The following BCAT1 variants were observed in gnomAD, a reference collection of about 807,000 sequenced individuals.
The protein encoded by BCAT1 is branched chain amino acid transaminase 1, also known as branched-chain-amino-acid aminotransferase, cytosolic.
In BCAT1, 48 loss-of-function variants were observed where a neutral mutation model predicts 52.4. The observed-to-expected ratio is 0.92, with a 90% confidence interval of 0.73 to 1.16. The LOEUF (loss-of-function observed/expected upper bound fraction) is 1.16. Among genes scored for constraint, BCAT1 ranks in the 50% most tolerant of loss-of-function variants. BCAT1 has a pLI of 0.00. For missense variants in BCAT1, 451 were observed against 457.1 expected, an observed-to-expected ratio of 0.99 and a Z score of 0.12; for synonymous variants, 167 against 161.3, an observed-to-expected ratio of 1.04 and a Z score of -0.27.
chr12:24,852,506 G>A (rs981174166), intron 5 of BCAT1, among the ~76,000 whole-genome samples: 2 of 152,066 alleles, frequency 1.3e-5, no homozygotes, highest in African/African-American at 4.8e-5. Flanking sequence ...TATACTAAAA[G>A]AAGTAACAAT....
intron 5 of BCAT1, among the ~76,000 whole-genome samples, chr12:24,873,446 TA>T: frequency 6.6e-6 from 1 of 152,340 alleles, no homozygotes; most frequent in East Asian, 1.9e-4. Context: ...ACAAGAAGTT[TA>T]TATAACATAA....
At chr12:24,830,258 G>T in intron 9 of BCAT1, 1 of 173,110 alleles carries the variant, frequency 5.8e-6, no homozygotes, top group Non-Finnish European at 1.2e-5. Flanking sequence ...AATCTGTAAG[G>T]ATGAATGATT....
chr12:24,857,887 G>A (rs1941737310), intron 5 of BCAT1, among the ~76,000 whole-genome samples: 1 of 152,198 alleles, frequency 6.6e-6, no homozygotes, highest in African/African-American at 2.4e-5. Flanking sequence ...GCTAATAGCA[G>A]TTATAGGGGA....
chr12:24,864,544 G>C (rs1328350957), intron 5 of BCAT1, among the ~76,000 whole-genome samples: 1 of 152,128 alleles, frequency 6.6e-6, no homozygotes, highest in African/African-American at 2.4e-5. Flanking sequence ...GTCACCCTTA[G>C]AAGGAGAACT....
intron 5 of BCAT1, among the ~76,000 whole-genome samples, chr12:24,866,104 C>T (rs991557900): frequency 3.9e-5 from 6 of 152,174 alleles, no homozygotes; most frequent in African/African-American, 7.2e-5. Flanking sequence ...ACCCGGGCTG[C>T]GCATGGTGCT....
At chr12:24,920,935 G>A (rs1943491492) in intron 1 of BCAT1, among the ~76,000 whole-genome samples, 1 of 152,192 alleles carries the variant, frequency 6.6e-6, no homozygotes, top group Non-Finnish European at 1.5e-5. Context: ...AGCCAATGAA[G>A]AGATACAAGG....
At chr12:24,894,518 G>T in intron 2 of BCAT1, 43 bp from the exon 3 acceptor site, 1 of 1,475,710 alleles carries the variant, frequency 6.8e-7, no homozygotes, top group Non-Finnish European at 9.2e-7. Context: ...AAGCTACTGA[G>T]CATTCGCTGG....
At chr12:24,910,765 CATT>C (rs1345621378) in intron 1 of BCAT1, among the ~76,000 whole-genome samples, 7 of 152,148 alleles carry the variant, frequency 4.6e-5, no homozygotes, top group Admixed American at 1.3e-4. Flanking sequence ...CCGATGAAAT[CATT>C]GTTGTTTTTT....
At chr12:24,908,215 C>G (rs1184634058) in intron 1 of BCAT1, among the ~76,000 whole-genome samples, 1 of 152,148 alleles carries the variant, frequency 6.6e-6, no homozygotes, top group Admixed American at 6.5e-5. Flanking sequence ...CTGCCTTCCT[C>G]TACTCGTTGT....
Position 24,815,398 on chromosome 12 carries a change from T to G in BCAT1, c.*2610A>C, listed in dbSNP as rs912395349. ...ATCAGCAACAATATTAATTTGTTGATCTTTTTGAGCAGATTAGCTTCACAT... is the reference window on the plus strand; with the variant it reads ...ATCAGCAACAATATTAATTTGTTGAGCTTTTTGAGCAGATTAGCTTCACAT... On this transcript the variant is annotated 3_prime_UTR_variant, in exon 11 of 11. Coordinates refer to ENST00000261192, the MANE Select transcript of BCAT1 (RefSeq NM_005504.7). 1 of 152,674 alleles carries G rather than the reference T, an allele frequency of 6.5e-6. No individual in the cohort carries two copies. 9.5% of individuals were successfully genotyped at this position (152,674 alleles called of 1,614,324 possible).
At chr12:24,881,898 A>G (rs2139602036) in intron 3 of BCAT1, among the ~76,000 whole-genome samples, 1 of 152,260 alleles carries the variant, frequency 6.6e-6, no homozygotes, top group Admixed American at 6.5e-5. Flanking sequence ...AATCACAGAA[A>G]CCAGGCAGCT....
rs1392393187 is a variant in BCAT1, at chr12:24,878,574, T to C, written c.466A>G (p.Thr156Ala). The change falls in exon 5 of 11, where the codon ACA (threonine) becomes GCA (alanine). Residue 156 changes from threonine (T) to alanine (A), a missense_variant. Thr to Ala is a moderately conservative substitution (Grantham distance 58, BLOSUM62 0). Coordinates refer to ENST00000261192, the MANE Select transcript of BCAT1 (RefSeq NM_005504.7). ...GGACGAATATACAGACTAGCAGATG[T>C]TGAATATGGGACCCATTCTTGATCC... ...KLDQEWVPYSTSASLYIRPTF... is the reference protein window; with the variant it reads ...KLDQEWVPYSASASLYIRPTF... 6.2e-7 allele frequency: 1 copy of C among 1,611,982 alleles called. No individual in the cohort carries two copies. The highest frequency in any genetic ancestry group is 8.5e-7 in the Non-Finnish European group (1 of 1,178,478).
At chr12:24,829,253 G>A (rs768389693) in intron 10 of BCAT1, among the ~76,000 whole-genome samples, 20 of 148,328 alleles carry the variant, frequency 1.3e-4, no homozygotes, top group African/African-American at 4.2e-4. Context: ...GCATGGTGGC[G>A]CACACCTATA....
intron 1 of BCAT1, among the ~76,000 whole-genome samples, chr12:24,917,551 T>A (rs1038456529): frequency 6.6e-6 from 1 of 152,210 alleles, no homozygotes; most frequent in East Asian, 1.9e-4. Flanking sequence ...TATTTAAGAC[T>A]ACTTGTCAAG....
At chr12:24,828,994 G>A (rs777982849) in intron 10 of BCAT1, among the ~76,000 whole-genome samples, 2 of 151,500 alleles carry the variant, frequency 1.3e-5, no homozygotes, top group Non-Finnish European at 2.9e-5. Flanking sequence ...GTGACACAGC[G>A]AGACTTAGTC....
intron 5 of BCAT1, among the ~76,000 whole-genome samples, chr12:24,876,049 ATTT>A (rs1336102298): frequency 1.3e-5 from 2 of 152,174 alleles, no homozygotes; most frequent in African/African-American, 4.8e-5. Context: ...AAAGTGTATT[ATTT>A]TATAATAAAG....
intron 3 of BCAT1, among the ~76,000 whole-genome samples, chr12:24,884,477 G>A (rs1942599341): frequency 6.6e-6 from 1 of 152,144 alleles, no homozygotes; most frequent in Non-Finnish European, 1.5e-5. Context: ...ATTGCTAAGA[G>A]ATTAAATTTC....
At chr12:24,834,511 C>T (rs1262432139) in intron 8 of BCAT1, 2 of 975,264 alleles carry the variant, frequency 2.1e-6, no homozygotes, top group Non-Finnish European at 2.4e-6. Context: ...GAATAAAGGG[C>T]AATAAAAATA....
intron 5 of BCAT1, among the ~76,000 whole-genome samples, chr12:24,864,104 T>C (rs1565470424): frequency 1.3e-5 from 2 of 152,228 alleles, no homozygotes; most frequent in Non-Finnish European, 2.9e-5. Flanking sequence ...AGTAGCTATA[T>C]AGCCTACAAA....
Sources: allele counts gnomAD v4.1 joint callset (sites outside exome capture counted in the v4.1 genomes callset), GRCh38; gene constraint gnomAD v4.1.1; transcripts MANE v1.5; gene names NCBI Gene and HGNC (gene_info 2026-07-23, HGNC 2026-07-21).